NWD1: variants seen among roughly 807,000 people sequenced by gnomAD.
The protein encoded by NWD1 is NACHT and WD repeat domain containing 1.
Under a neutral mutation model 135.1 loss-of-function variants are expected in NWD1, and 129 were observed. That is an observed-to-expected ratio of 0.96 (90% CI 0.83 to 1.11). NWD1 has a LOEUF of 1.11. NWD1 is among the 50% of genes least tolerant of loss of function. The probability of loss-of-function intolerance (pLI) is 0.00; values close to 1 mark genes in which losing one functional copy is unlikely to be tolerated. For missense variants in NWD1, 1,740 were observed against 1,851.3 expected, an observed-to-expected ratio of 0.94 and a Z score of 1.10; for synonymous variants, 773 against 786.0, an observed-to-expected ratio of 0.98 and a Z score of 0.28.
At chr19:16,771,571 G>T (rs1415410902) in intron 10 of NWD1, among the ~76,000 whole-genome samples, 1 of 152,184 alleles carries the variant, frequency 6.6e-6, no homozygotes, top group Non-Finnish European at 1.5e-5. Flanking sequence ...CCTTGATGGA[G>T]CAACTTCCCA....
intron 16 of NWD1, among the ~76,000 whole-genome samples, chr19:16,798,253 G>C (rs1361868662): frequency 6.6e-6 from 1 of 152,020 alleles, no homozygotes; most frequent in Non-Finnish European, 1.5e-5. Flanking sequence ...TTAGTCTCAG[G>C]CCTCTTGAAG....
intron 12 of NWD1, among the ~76,000 whole-genome samples, chr19:16,783,540 A>G (rs996466409): frequency 1.3e-5 from 2 of 152,060 alleles, no homozygotes; most frequent in Non-Finnish European, 2.9e-5. Flanking sequence ...AGGCTGAGGC[A>G]GGAGAATCAC....
In NWD1 at chr19:16,808,154, C is replaced by T. The variant is rs1174223596; in HGVS notation, c.4287+18C>T. The T allele has an allele frequency of 6.2e-7, 1 of 1,609,010 alleles. No homozygotes were observed. The highest frequency in any genetic ancestry group is 1.3e-5 in the African/African-American group (1 of 74,788). ...GCTACACGGTGGGTGGCCCGCCTCC[C>T]CATGTTCATGCTAGACCCAGGCATT... is the stretch of plus-strand genomic sequence containing the variant. On this transcript the variant is annotated intron_variant, in intron 18 of 18. Coordinates refer to ENST00000524140, the MANE Select transcript of NWD1 (RefSeq NM_001007525.5).
At chr19:16,784,177 C>A (rs565902720) in intron 12 of NWD1, among the ~76,000 whole-genome samples, 1 of 151,536 alleles carries the variant, frequency 6.6e-6, no homozygotes, top group Non-Finnish European at 1.5e-5. Context: ...TGCACTCCAG[C>A]CTTGGTGACA....
At chr19:16,788,893 G>A in intron 12 of NWD1, 89 bp from the exon 13 acceptor site, 1 of 841,354 alleles carries the variant, frequency 1.2e-6, no homozygotes. Flanking sequence ...TGGTAAATGA[G>A]GGTATTTCCA....
At chr19:16,758,043 C>G (rs1968863205) in intron 6 of NWD1, among the ~76,000 whole-genome samples, 1 of 139,684 alleles carries the variant, frequency 7.2e-6, no homozygotes. Flanking sequence ...CAGAGTGAGA[C>G]TCTGTCTCAA....
chr19:16,754,922 T>C (rs1461813281), intron 6 of NWD1, among the ~76,000 whole-genome samples: 1 of 152,218 alleles, frequency 6.6e-6, no homozygotes, highest in Non-Finnish European at 1.5e-5. Context: ...TCTATCTCTA[T>C]ATATCTATAT....
intron 6 of NWD1, among the ~76,000 whole-genome samples, chr19:16,753,095 A>G (rs1485061502): frequency 3.9e-5 from 6 of 152,198 alleles, no homozygotes; most frequent in African/African-American, 1.4e-4. Context: ...GTGAGTTGTC[A>G]TGGAAACTGT....
chr19:16,775,945 G>A (rs1299343285), intron 11 of NWD1, among the ~76,000 whole-genome samples: 1 of 152,154 alleles, frequency 6.6e-6, no homozygotes, highest in Non-Finnish European at 1.5e-5. Flanking sequence ...GGGATTACAG[G>A]GTTGAGCCAC....
At chr19:16,753,488 A>G (rs1968658201) in intron 6 of NWD1, among the ~76,000 whole-genome samples, 1 of 152,108 alleles carries the variant, frequency 6.6e-6, no homozygotes, top group South Asian at 2.1e-4. Flanking sequence ...GGATGGTGAG[A>G]GCTTTGCTCT....
chr19:16,758,381 A>G (rs922800205), intron 6 of NWD1, among the ~76,000 whole-genome samples: 2 of 152,084 alleles, frequency 1.3e-5, no homozygotes, highest in Non-Finnish European at 2.9e-5. Flanking sequence ...GGCTCAAGTG[A>G]TCCTCCCACC....
chr19:16,747,921 G>A (rs1327181327), intron 5 of NWD1, among the ~76,000 whole-genome samples: 3 of 152,158 alleles, frequency 2.0e-5, no homozygotes, highest in Non-Finnish European at 4.4e-5. Flanking sequence ...TGGCCGAATA[G>A]TATCCCATTG....
intron 6 of NWD1, among the ~76,000 whole-genome samples, chr19:16,756,515 T>G (rs1455232425): frequency 1.3e-5 from 2 of 152,214 alleles, no homozygotes; most frequent in Non-Finnish European, 2.9e-5. Flanking sequence ...TTTATATCTA[T>G]TTATCTATCA....
intron 18 of NWD1, among the ~76,000 whole-genome samples, chr19:16,813,759 G>T (rs1258647972): frequency 6.6e-6 from 1 of 151,384 alleles, no homozygotes; most frequent in Non-Finnish European, 1.5e-5. Flanking sequence ...TTAGAGATGT[G>T]AGCCACCATT....
Position 16,799,941 on chromosome 19 carries a change from C to A in NWD1, c.3515C>A (p.Ala1172Asp). ...TLLDILEGVG[A>D]PVSLLARGGA... ...CTGGACATCCTGGAAGGCGTCGGGG[C>A]CCCCGTGAGCCTGCTGGCCCGCGGC... The change falls in exon 17 of 19, where the codon GCC (alanine) becomes GAC (aspartate). Residue 1172 changes from alanine (A) to aspartate (D), a missense_variant. Ala to Asp is a moderately radical substitution (Grantham distance 126). Coordinates refer to ENST00000524140, the MANE Select transcript of NWD1 (RefSeq NM_001007525.5). 1 of 1,613,694 alleles carries A rather than the reference C, an allele frequency of 6.2e-7. No individual in the cohort carries two copies. Among genetic ancestry groups the A allele is most frequent in the East Asian group, 2.2e-5 (1 of 44,878 alleles).
chr19:16,790,639 A>AATAT (rs1555730359), intron 13 of NWD1, among the ~76,000 whole-genome samples: 8 of 147,242 alleles, frequency 5.4e-5, no homozygotes, highest in Non-Finnish European at 1.0e-4. Flanking sequence ...CATTAAAAAA[A>AATAT]AATAAATAAA....
chr19:16,736,868 C>A, intron 4 of NWD1, 118 bp downstream of exon 4: 1 of 676,688 alleles, frequency 1.5e-6, no homozygotes, highest in Non-Finnish European at 2.6e-6. Context: ...TACCTTATCC[C>A]TATGGCCTGC....
chr19:16,723,262 G>A (rs369335593), intron 1 of NWD1, among the ~76,000 whole-genome samples: 1 of 152,042 alleles, frequency 6.6e-6, no homozygotes, highest in South Asian at 2.1e-4. Context: ...ACAGTGTTGC[G>A]ATCTTGGCTC....
chr19:16,748,129 G>A (rs574404547), intron 5 of NWD1, among the ~76,000 whole-genome samples: 18 of 152,108 alleles, frequency 1.2e-4, no homozygotes, highest in Admixed American at 5.9e-4. Flanking sequence ...GATTACAGGC[G>A]TGCGGCATCA....
Sources: gnomAD v4.1 joint callset for allele counts (sites outside exome capture counted in the v4.1 genomes callset) on GRCh38, gnomAD v4.1.1 for gene constraint, MANE v1.5 for transcripts, NCBI Gene and HGNC (gene_info 2026-07-23, HGNC 2026-07-21) for gene names.